Variants in SLC34A1 observed in about 807,000 individuals in gnomAD.
The protein encoded by SLC34A1 is solute carrier family 34 member 1, also known as sodium-dependent phosphate transport protein 2A.
A neutral mutation model predicts 51.4 loss-of-function variants in SLC34A1; 57 were observed. The ratio of observed to expected loss-of-function variants is 1.11; its 90% CI spans 0.90 to 1.38. The LOEUF (loss-of-function observed/expected upper bound fraction) is 1.38, where lower values mean the gene tolerates loss of function less well. Ranked by LOEUF, SLC34A1 falls within the 40% of genes most tolerant of loss-of-function variation. The pLI is 0.00. For missense variants in SLC34A1, 796 were observed against 835.6 expected, an observed-to-expected ratio of 0.95 and a Z score of 0.58; for synonymous variants, 368 against 358.0, an observed-to-expected ratio of 1.03 and a Z score of -0.32.
At position 177,397,877 on chromosome 5, in the gene SLC34A1, T is replaced by C; in HGVS notation, c.1511T>C (p.Leu504Pro). ...CTGCCCATCCGCATGGCCAAGGCGC[T>C]GGGGAAACGCACGGCCAAGTACCGC... The part of the protein sequence containing the change: ...TRLPIRMAKA[L>P]GKRTAKYRWF... The change falls in exon 13 of 13, where the codon CTG becomes CCG. Residue 504 changes from leucine (L) to proline (P), a missense_variant. Leu to Pro is a moderately conservative substitution (Grantham distance 98). Transcript: ENST00000324417. The C allele has an allele frequency of 6.2e-7, 1 of 1,613,926 alleles. No individual in the cohort carries two copies. Among genetic ancestry groups the C allele is most frequent in the Non-Finnish European group, 8.5e-7 (1 of 1,180,016 alleles).
chr5:177,387,488 C>T (rs1053919501), intron 5 of SLC34A1, among the ~76,000 whole-genome samples: 7 of 152,372 alleles, frequency 4.6e-5, no homozygotes, highest in South Asian at 2.1e-4. Flanking sequence ...CATGAGCCCA[C>T]GAGCCCTCAT....
chr5:177,387,264 A>G (rs915401191), intron 5 of SLC34A1, among the ~76,000 whole-genome samples: 7 of 151,888 alleles, frequency 4.6e-5, no homozygotes, highest in Non-Finnish European at 8.8e-5. Flanking sequence ...GCGTGGTGGC[A>G]GGTGTCTGCA....
At chr5:177,390,176 G>A (rs1365546265) in intron 8 of SLC34A1, 5 of 1,003,798 alleles carry the variant, frequency 5.0e-6, no homozygotes, top group African/African-American at 1.7e-5. Context: ...GAACCAGCCC[G>A]AAACAGTCTC....
At position 177,386,434 on chromosome 5, in the gene SLC34A1, G is replaced by T. The variant is rs955811738; in HGVS notation, c.400G>T (p.Gly134Cys). 6.2e-7 allele frequency: 1 copy of T among 1,614,098 alleles called. No homozygotes were observed. Among genetic ancestry groups the T allele is most frequent in the Non-Finnish European group, 8.5e-7 (1 of 1,180,036 alleles). Residue 134 changes from glycine to cysteine, a missense_variant, in exon 5 of 13, where the codon GGT (glycine) becomes TGT (cysteine). Gly to Cys is a radical substitution (Grantham distance 159, BLOSUM62 -3). Transcript: ENST00000324417. This position sits in a 1 kb window ranked among gnomAD's most constrained non-coding sequence, Gnocchi z 4.8. The stretch of plus-strand genomic sequence containing the variant: ...CTCATGCTCCCCAGGGAAGGTGGCT[G>T]GTGACATCTTCAAGGATAACGCCAT... ...AFQLAGGKVA[G>C]DIFKDNAILS...
chr5:177,389,038 C>T (rs1351396808), intron 8 of SLC34A1, among the ~76,000 whole-genome samples: 3 of 152,230 alleles, frequency 2.0e-5, no homozygotes, highest in Middle Eastern at 3.4e-3. Flanking sequence ...GTGCTGGCAT[C>T]GGGGGTTCCT....
Position 177,386,588 on chromosome 5 carries a change from G to A in SLC34A1, c.532+22G>A, listed in dbSNP as rs1762583203. On this transcript the variant is annotated intron_variant, in intron 5 of 12. Transcript: ENST00000324417. This position sits in a 1 kb window ranked among gnomAD's most constrained non-coding sequence, Gnocchi z 4.8. ...GGCTGTGAGTTGGCCCACCAGGGTG[G>A]GGAAGAGCTTGGAGGGGCACCCCAG... 6.2e-7 allele frequency: 1 copy of A among 1,613,240 alleles called. No homozygotes were observed. The highest frequency in any genetic ancestry group is 1.3e-5 in the African/African-American group (1 of 74,932).
rs1762595781 is a variant in SLC34A1, at chr5:177,386,917, A to G, written c.532+351A>G. 6.6e-6 allele frequency among the ~76,000 whole-genome samples: 1 copy of G among 151,910 alleles called. No homozygotes were observed. The highest frequency in any genetic ancestry group is 1.5e-5 in the Non-Finnish European group (1 of 67,970). On this transcript the variant is annotated intron_variant, in intron 5 of 12. Coordinates refer to ENST00000324417, the MANE Select transcript of SLC34A1 (RefSeq NM_003052.5). This position sits in a 1 kb window ranked among gnomAD's most constrained non-coding sequence, Gnocchi z 4.8. ...AGTTCTGCTTGAGGCCTTTCATTCT[A>G]TTGGATTAGGCTGACCCAGGTTACC... is the stretch of plus-strand genomic sequence containing the variant.
Position 177,389,059 on chromosome 5 carries a change from AC to A in SLC34A1, c.936+688del, listed in dbSNP as rs1268253952. ...GCATCGGGGGTTCCTTCTCCTGGAG[AC>A]TGCCACAGGCGGGAGTCCCTTGTCC... On this transcript the variant is annotated intron_variant, in intron 8 of 12. Transcript: ENST00000324417. Among the ~76,000 whole-genome samples, 4 of 152,190 alleles carry A rather than the reference AC, an allele frequency of 2.6e-5. No individual in the cohort carries two copies. In the East Asian group the frequency reaches 7.7e-4, roughly 29 times the overall value.
At chr5:177,389,790 T>C in intron 8 of SLC34A1, 2 of 1,534,174 alleles carry the variant, frequency 1.3e-6, no homozygotes, top group Non-Finnish European at 8.7e-7. Flanking sequence ...ACGTCCTCAC[T>C]TGAAGTCATC....
In SLC34A1 at chr5:177,386,375, G is replaced by A. The variant is rs1365896050; in HGVS notation, c.388+26G>A. The A allele has an allele frequency of 6.2e-7, 1 of 1,614,250 alleles. No individual in the cohort carries two copies. Among genetic ancestry groups the A allele is most frequent in the East Asian group, 2.2e-5 (1 of 44,890 alleles). On this transcript the variant is annotated intron_variant, in intron 4 of 12. Coordinates refer to ENST00000324417, the MANE Select transcript of SLC34A1 (RefSeq NM_003052.5). The surrounding 1 kb of genome is among the most constrained non-coding windows in gnomAD (Gnocchi z 4.8). ...GTAGGGCCCGGGTGGAGGAGACCTG[G>A]GAGGGGTTCCTGAAGGGCCTTGGAC...
chr5:177,389,542 G>A, intron 8 of SLC34A1: 2 of 1,473,106 alleles, frequency 1.4e-6, no homozygotes, highest in Non-Finnish European at 1.8e-6. Context: ...CTTTTACGCT[G>A]ACTTCATGAC....
rs139654527 is a variant in SLC34A1 at position 177,388,006 on chromosome 5, G to T, written c.657G>T (p.Gly219=). The change falls in exon 7 of 13, where the codon GGG becomes GGT. Residue 219 remains glycine, a synonymous_variant. Coordinates refer to ENST00000324417, the MANE Select transcript of SLC34A1 (RefSeq NM_003052.5). The surrounding 1 kb of genome is among the most constrained non-coding windows in gnomAD (Gnocchi z 4.3). ...DRTDFRRAFA[G]ATVHDCFNWL... is the part of the protein sequence containing the mutation. ...CCTCCCTGCCCAGGGCCTTCGCGGG[G>T]GCCACGGTGCATGACTGCTTTAACT... 20 of 1,613,034 alleles carry T rather than the reference G, an allele frequency of 1.2e-5. No individual in the cohort carries two copies. The highest frequency in any genetic ancestry group is 1.6e-5 in the Non-Finnish European group (19 of 1,179,308).
Position 177,386,250 on chromosome 5 carries a change from G to T in SLC34A1, c.289G>T (p.Ala97Ser), listed in dbSNP as rs1404238315. ...CAGGCTGGTCCCCAAGCTGCGCCAGGCTGGCGCCATGCTGCTCAAGGTGCC... is the reference window on the plus strand; with the variant it reads ...CAGGCTGGTCCCCAAGCTGCGCCAGTCTGGCGCCATGCTGCTCAAGGTGCC... ...ESRLVPKLRQ[A>S]GAMLLKVPLM... Residue 97 changes from alanine (A) to serine (S), a missense_variant, in exon 4 of 13, where the codon GCT becomes TCT. Physicochemically the swap from Ala to Ser is moderately conservative, Grantham distance 99. Transcript: ENST00000324417. This position sits in a 1 kb window ranked among gnomAD's most constrained non-coding sequence, Gnocchi z 4.8. The T allele has an allele frequency of 1.2e-5, 19 of 1,544,106 alleles. No individual in the cohort carries two copies. The highest frequency in any genetic ancestry group is 1.7e-5 in the Non-Finnish European group (19 of 1,119,862).
rs751299383 is a variant in SLC34A1, at chr5:177,396,815, T to C, written c.1257T>C (p.Ser419=). ...GASMTFVVQS[S]SVFTSAITPL... is the part of the protein sequence containing the mutation. ...GCATGACCTTCGTGGTCCAGAGCAG[T>C]TCTGTGTTCACCTCGGCCATCACCC... is the stretch of plus-strand genomic sequence containing the variant. The change falls in exon 11 of 13, where the codon AGT becomes AGC. Residue 419 remains serine, a synonymous_variant. Transcript: ENST00000324417. This position sits in a 1 kb window ranked among gnomAD's most constrained non-coding sequence, Gnocchi z 4.0. The C allele has an allele frequency of 1.2e-6, 2 of 1,614,212 alleles. No individual in the cohort carries two copies. The highest frequency in any genetic ancestry group is 4.5e-5 in the East Asian group (2 of 44,888).
Position 177,386,376 on chromosome 5 carries a change from G to T in SLC34A1, c.388+27G>T, listed in dbSNP as rs1426476575. ...TAGGGCCCGGGTGGAGGAGACCTGGGAGGGGTTCCTGAAGGGCCTTGGACA... is the reference window on the plus strand; with the variant it reads ...TAGGGCCCGGGTGGAGGAGACCTGGTAGGGGTTCCTGAAGGGCCTTGGACA... On this transcript the variant is annotated intron_variant, in intron 4 of 12. Transcript: ENST00000324417. This position sits in a 1 kb window ranked among gnomAD's most constrained non-coding sequence, Gnocchi z 4.8. The T allele has an allele frequency of 6.2e-7, 1 of 1,614,234 alleles. No individual in the cohort carries two copies. The highest frequency in any genetic ancestry group is 2.2e-5 in the East Asian group (1 of 44,882).
At chr5:177,395,715 C>T in intron 10 of SLC34A1, among the ~76,000 whole-genome samples, 1 of 152,236 alleles carries the variant, frequency 6.6e-6, no homozygotes, top group East Asian at 1.9e-4. Flanking sequence ...TCACTGCAAC[C>T]TCTGCCTCCC....
intron 10 of SLC34A1, among the ~76,000 whole-genome samples, chr5:177,395,277 A>C (rs776484314): frequency 3.3e-5 from 5 of 152,272 alleles, no homozygotes; most frequent in Non-Finnish European, 5.9e-5. Flanking sequence ...CAAAAATGGC[A>C]GTGCAGTAGG....
At chr5:177,397,485 C>T in intron 12 of SLC34A1, 1 of 540,092 alleles carries the variant, frequency 1.9e-6, no homozygotes, top group African/African-American at 1.9e-5. Context: ...GACATCAATC[C>T]TTTAGCTGCT....
rs1762587426 is a variant in SLC34A1, at chr5:177,386,693, G to A, written c.532+127G>A. ...TCAGCTTGACTCCTGTATCAGCCAGGGACATGAGAGGAGCCCAACTGTAGC... is the reference window on the plus strand; with the variant it reads ...TCAGCTTGACTCCTGTATCAGCCAGAGACATGAGAGGAGCCCAACTGTAGC... On this transcript the variant is annotated intron_variant, in intron 5 of 12. Coordinates refer to ENST00000324417, the MANE Select transcript of SLC34A1 (RefSeq NM_003052.5). The surrounding 1 kb of genome is among the most constrained non-coding windows in gnomAD (Gnocchi z 4.8). 3.7e-6 allele frequency: 4 copies of A among 1,094,402 alleles called. No individual in the cohort carries two copies. In the South Asian group the frequency reaches 5.2e-5, roughly 14 times the overall value. 67.8% of individuals were successfully genotyped at this position (1,094,402 alleles called of 1,614,324 possible).
Sources: gnomAD v4.1 joint callset for allele counts (sites outside exome capture counted in the v4.1 genomes callset) on GRCh38, gnomAD v4.1.1 for gene constraint, Gnocchi (gnomAD v3.1) non-coding constraint, MANE v1.5 for transcripts, NCBI Gene and HGNC (gene_info 2026-07-23, HGNC 2026-07-21) for gene names.